Variants in PAX5 observed in about 807,000 individuals in gnomAD.
PAX5 encodes the protein paired box 5.
A neutral mutation model predicts 43.7 loss-of-function variants in PAX5; 9 were observed. The ratio of observed to expected loss-of-function variants is 0.21; its 90% confidence interval spans 0.12 to 0.36. The LOEUF (loss-of-function observed/expected upper bound fraction) is 0.36. Among genes scored for constraint, PAX5 ranks in the 10% least tolerant of loss-of-function variants. PAX5 has a pLI of 1.00. For synonymous variants in PAX5, 228 were observed against 214.3 expected (o/e 1.06, Z -0.56); for missense variants, 383 against 532.7 (o/e 0.72, Z 2.77).
chr9:36,909,525 C>T (rs141222567), intron 7 of PAX5, among the ~76,000 whole-genome samples: 443 of 152,296 alleles, frequency 2.9e-3, no homozygotes, highest in African/African-American at 0.01. Context: ...CTGTGGGCTG[C>T]CCTTCCTGGC....
chr9:37,020,505 A>G (rs1839763377), intron 2 of PAX5, 131 bp downstream of exon 2: 1 of 944,918 alleles, frequency 1.1e-6, no homozygotes, highest in Non-Finnish European at 1.6e-6. Context: ...TGCAGACTTT[A>G]AAGTGCTCTG....
At position 36,985,178 on chromosome 9, in the gene PAX5, A is replaced by T. The variant is rs1449667695; in HGVS notation, c.604+17470T>A. Among the ~76,000 whole-genome samples, 5 of 152,204 alleles carry T rather than the reference A, an allele frequency of 3.3e-5. No homozygotes were observed. In the South Asian group the frequency reaches 1.0e-3, roughly 32 times the overall value. ...AATGGGGGGTGGGGTGGTGATTGTCACCGGGTGGCACCAGGGATCTCTGAG... is the reference window on the plus strand; with the variant it reads ...AATGGGGGGTGGGGTGGTGATTGTCTCCGGGTGGCACCAGGGATCTCTGAG... On this transcript the variant is annotated intron_variant, in intron 5 of 9. Transcript: ENST00000358127.
intron 1 of PAX5, among the ~76,000 whole-genome samples, chr9:37,027,293 C>T (rs767391332): frequency 1.3e-5 from 2 of 152,260 alleles, no homozygotes; most frequent in Non-Finnish European, 2.9e-5. Flanking sequence ...CCCTCCAACA[C>T]TGAGACCCGC....
At position 36,839,260 on chromosome 9, in the gene PAX5, C is replaced by T. The variant is rs936925809; in HGVS notation, c.*1300G>A. 1.7e-5 allele frequency: 4 copies of T among 233,478 alleles called. No individual in the cohort carries two copies. The highest frequency in any genetic ancestry group is 3.4e-5 in the Non-Finnish European group (4 of 118,238). The allele number at this position is 233,478 out of a possible 1,614,324, so 14.5% of individuals were successfully genotyped here. On this transcript the variant is annotated 3_prime_UTR_variant, in exon 10 of 10. Transcript: ENST00000358127. ...ACCACCCTAGCCCACAGTGAGTTCT[C>T]CAAGCTCCCTCTCCAAGTTCCCGTG...
chr9:36,987,741 C>T (rs1301745519), intron 5 of PAX5, among the ~76,000 whole-genome samples: 3 of 152,298 alleles, frequency 2.0e-5, no homozygotes, highest in South Asian at 4.1e-4. Flanking sequence ...GAAAGGGGCT[C>T]CCACGAAGGA....
chr9:36,934,781 A>T (rs1308409064), intron 6 of PAX5, among the ~76,000 whole-genome samples: 1 of 152,210 alleles, frequency 6.6e-6, no homozygotes, highest in East Asian at 1.9e-4. Flanking sequence ...GTTTAGGGAC[A>T]TCATCCCCCA....
At chr9:36,861,583 A>C (rs1824218194) in intron 8 of PAX5, among the ~76,000 whole-genome samples, 1 of 151,876 alleles carries the variant, frequency 6.6e-6, no homozygotes. Context: ...AGAAAGAATG[A>C]AGGTAGCAAG....
At chr9:36,988,351 C>A (rs1056673674) in intron 5 of PAX5, among the ~76,000 whole-genome samples, 1 of 152,028 alleles carries the variant, frequency 6.6e-6, no homozygotes, top group Non-Finnish European at 1.5e-5. Context: ...ACAATCCTAT[C>A]ATGAAACTTA....
chr9:36,984,510 G>A (rs1467897283), intron 5 of PAX5, among the ~76,000 whole-genome samples: 1 of 124,808 alleles, frequency 8.0e-6, no homozygotes, highest in African/African-American at 3.0e-5. Flanking sequence ...GCACAATCTC[G>A]GCTCACTGCA....
rs377588624 is a variant in PAX5, at chr9:37,001,620, C to T, written c.604+1028G>A. On this transcript the variant is annotated intron_variant, in intron 5 of 9. Coordinates refer to ENST00000358127, the MANE Select transcript of PAX5 (RefSeq NM_016734.3). ...CTCTGCTTCTGCACTGCTGGCAACACGCAGACCACAGGCCAATCCACGGCT... is the reference window on the plus strand; with the variant it reads ...CTCTGCTTCTGCACTGCTGGCAACATGCAGACCACAGGCCAATCCACGGCT... Among the ~76,000 whole-genome samples the T allele has an allele frequency of 2.9e-3, 447 of 152,316 alleles. 3 individuals are homozygous for T. Among genetic ancestry groups the T allele is most frequent in the South Asian group, 0.025 (121 of 4,824 alleles).
intron 7 of PAX5, among the ~76,000 whole-genome samples, chr9:36,903,980 G>A (rs778306637): frequency 5.9e-5 from 9 of 152,104 alleles, no homozygotes; most frequent in Admixed American, 2.0e-4. Flanking sequence ...TCTGACTGCC[G>A]GCATTTAAAA....
intron 1 of PAX5, among the ~76,000 whole-genome samples, chr9:37,022,002 A>C (rs1839899031): frequency 6.6e-6 from 1 of 152,166 alleles, no homozygotes; most frequent in African/African-American, 2.4e-5. Context: ...ACCTCATCTC[A>C]GCTATTTCTC....
chr9:36,904,155 A>G (rs145401509), intron 7 of PAX5, among the ~76,000 whole-genome samples: 54 of 152,350 alleles, frequency 3.5e-4, no homozygotes, highest in African/African-American at 1.3e-3. Flanking sequence ...AGAACAATGC[A>G]TGGTGCAGAG....
intron 5 of PAX5, among the ~76,000 whole-genome samples, chr9:36,985,212 C>T (rs1041880745): frequency 2.0e-5 from 3 of 152,150 alleles, no homozygotes; most frequent in African/African-American, 7.2e-5. Flanking sequence ...AGTGCCATGA[C>T]AAAGGGAAAA....
At chr9:36,935,711 G>A (rs529951694) in intron 6 of PAX5, among the ~76,000 whole-genome samples, 1 of 152,342 alleles carries the variant, frequency 6.6e-6, no homozygotes, top group Admixed American at 6.5e-5. Context: ...AGTGCTGTAG[G>A]CTGATCTTTA....
intron 8 of PAX5, among the ~76,000 whole-genome samples, chr9:36,880,255 C>A (rs1175111262): frequency 6.6e-6 from 1 of 152,240 alleles, no homozygotes; most frequent in African/African-American, 2.4e-5. Context: ...TGGGGCCTTG[C>A]ACACGCATGT....
chr9:36,973,084 G>C (rs539435699), intron 5 of PAX5, among the ~76,000 whole-genome samples: 1 of 58,290 alleles, frequency 1.7e-5, no homozygotes, highest in South Asian at 5.3e-4. Flanking sequence ...GGAACGGAAC[G>C]GAAAGGAAAG....
chr9:37,003,698 G>A (rs903029676), intron 4 of PAX5, among the ~76,000 whole-genome samples: 2 of 152,156 alleles, frequency 1.3e-5, no homozygotes, highest in Non-Finnish European at 2.9e-5. Flanking sequence ...TTAGCCAGGT[G>A]TGGTGGCACA....
At chr9:36,920,273 G>A (rs1054112428) in intron 7 of PAX5, among the ~76,000 whole-genome samples, 19 of 152,296 alleles carry the variant, frequency 1.2e-4, no homozygotes, top group African/African-American at 4.3e-4. Context: ...AAATTCTATG[G>A]TGGATAAAAT....
Sources: gnomAD v4.1 joint callset for allele counts (sites outside exome capture counted in the v4.1 genomes callset) on GRCh38, gnomAD v4.1.1 for gene constraint, MANE v1.5 for transcripts, NCBI Gene and HGNC (gene_info 2026-07-23, HGNC 2026-07-21) for gene names.